Variants in RBAK observed in about 807,000 individuals in gnomAD.
RBAK encodes the protein RB associated KRAB zinc finger.
In RBAK, 39 loss-of-function variants were observed where a neutral mutation model predicts 65.8. That is an observed-to-expected ratio of 0.59 (90% confidence interval 0.46 to 0.77). RBAK has a LOEUF of 0.77. RBAK is among the 30% of genes least tolerant of loss of function. The pLI is 0.00. For synonymous variants in RBAK, 343 were observed against 289.7 expected, an observed-to-expected ratio of 1.18 and a Z score of -1.87; for missense variants, 884 against 855.1, an observed-to-expected ratio of 1.03 and a Z score of -0.42.
At chr7:5,047,125 G>T (rs1228811285) in intron 1 of RBAK, among the ~76,000 whole-genome samples, 3 of 152,184 alleles carry the variant, frequency 2.0e-5, no homozygotes, top group Non-Finnish European at 4.4e-5. Context: ...CGGGCCGGAT[G>T]CAGTGGCTCA....
intron 2 of RBAK, among the ~76,000 whole-genome samples, chr7:5,052,088 C>G (rs750085625): frequency 3.3e-5 from 5 of 152,206 alleles, no homozygotes; most frequent in Non-Finnish European, 5.9e-5. Flanking sequence ...TTATTACATC[C>G]TGTTGATTAA....
chr7:5,059,328 C>T (rs1311341628), intron 4 of RBAK, among the ~76,000 whole-genome samples: 1 of 151,730 alleles, frequency 6.6e-6, no homozygotes, highest in Non-Finnish European at 1.5e-5. Flanking sequence ...TCATTCCTTC[C>T]TTCCATTTTG....
intron 2 of RBAK, among the ~76,000 whole-genome samples, chr7:5,053,116 G>C (rs1443394720): frequency 6.6e-6 from 1 of 152,112 alleles, no homozygotes; most frequent in Non-Finnish European, 1.5e-5. Context: ...TACCATTTCT[G>C]GTACTCTTCA....
At chr7:5,060,565 G>A (rs1779045776) in intron 4 of RBAK, among the ~76,000 whole-genome samples, 1 of 152,230 alleles carries the variant, frequency 6.6e-6, no homozygotes, top group South Asian at 2.1e-4. Context: ...ACTGGGAAGA[G>A]ATTTGATAAA....
chr7:5,048,185 T>C lies in RBAK; in HGVS notation c.15+94T>C. ...GATTCTTACCTTTTTTTTTTTCTTT[T>C]TTTTTGAGATGGAGTCTTGCTCTGT... On this transcript the variant is annotated intron_variant, in intron 2 of 4. Transcript: ENST00000396912. This position sits in a 1 kb window ranked among gnomAD's most constrained non-coding sequence, Gnocchi z 4.4. 1 of 1,560,020 alleles carries C rather than the reference T, an allele frequency of 6.4e-7. No homozygotes were observed. Among genetic ancestry groups the C allele is most frequent in the East Asian group, 2.3e-5 (1 of 43,448 alleles).
At chr7:5,050,463 T>G (rs1214290242) in intron 2 of RBAK, among the ~76,000 whole-genome samples, 2 of 152,246 alleles carry the variant, frequency 1.3e-5, no homozygotes, top group Non-Finnish European at 2.9e-5. Context: ...TCTTTGTTTT[T>G]GTGAACTTAA....
At chr7:5,049,359 A>G (rs61516427) in intron 2 of RBAK, among the ~76,000 whole-genome samples, 6,855 of 152,278 alleles carry the variant, frequency 0.045, 542 homozygotes, top group African/African-American at 0.16. Flanking sequence ...AATGAATGAC[A>G]TGATCATCCT....
In RBAK at chr7:5,065,284, C is replaced by T. The variant is rs1165249110; in HGVS notation, c.1828C>T (p.Leu610Phe). The T allele has an allele frequency of 8.7e-6, 14 of 1,614,014 alleles. No homozygotes were observed. The highest frequency in any genetic ancestry group is 1.2e-5 in the Non-Finnish European group (14 of 1,179,934). Residue 610 changes from leucine (L) to phenylalanine (F), a missense_variant, in exon 5 of 5, where the codon CTC becomes TTC. Leu to Phe is a conservative substitution (Grantham distance 22). Transcript: ENST00000396912. The surrounding 1 kb of genome is among the most constrained non-coding windows in gnomAD (Gnocchi z 5.3). The stretch of plus-strand genomic sequence containing the variant: ...AAAATTCTTCTCTCAGAAATCATAT[C>T]TCACTATACATCATCGAATTCATTC... ...CGKFFSQKSY[L>F]TIHHRIHSGE...
rs2115049460 is a variant in RBAK at position 5,066,519 on chromosome 7, AC to A, written c.*921del. 1 of 152,238 alleles carries A rather than the reference AC, an allele frequency of 6.6e-6. No homozygotes were observed. Among genetic ancestry groups the A allele is most frequent in the South Asian group, 2.1e-4 (1 of 4,828 alleles). The allele number at this position is 152,238 out of a possible 1,614,324, so 9.4% of individuals were successfully genotyped here. On this transcript the variant is annotated 3_prime_UTR_variant, in exon 5 of 5. Transcript: ENST00000396912. ...GCTCTCACACCACCCTTGTTTTTTA[AC>A]CCATAGGTTTGAGTGTGCCTAGTGC...
At chr7:5,056,189 C>G (rs1788228182) in intron 2 of RBAK, among the ~76,000 whole-genome samples, 1 of 150,170 alleles carries the variant, frequency 6.7e-6, no homozygotes, top group South Asian at 2.1e-4. Flanking sequence ...CTCACTGCAG[C>G]CTTGACCTCC....
intron 4 of RBAK, among the ~76,000 whole-genome samples, chr7:5,059,781 C>G (rs1779024181): frequency 6.6e-6 from 1 of 152,124 alleles, no homozygotes; most frequent in Non-Finnish European, 1.5e-5. Context: ...ATCATATTCT[C>G]TGATAGGAGT....
chr7:5,059,536 C>T (rs983019883), intron 4 of RBAK, among the ~76,000 whole-genome samples: 2 of 151,998 alleles, frequency 1.3e-5, no homozygotes, highest in African/African-American at 2.4e-5. Context: ...ATACAATTTA[C>T]CATCATAACC....
chr7:5,051,077 T>G (rs1205731335), intron 2 of RBAK, among the ~76,000 whole-genome samples: 1 of 152,200 alleles, frequency 6.6e-6, no homozygotes, highest in Admixed American at 6.5e-5. Flanking sequence ...TGGCTCCATC[T>G]TTGGCCAGAC....
chr7:5,052,918 C>A (rs987273208), intron 2 of RBAK, among the ~76,000 whole-genome samples: 1 of 152,210 alleles, frequency 6.6e-6, no homozygotes, highest in East Asian at 1.9e-4. Flanking sequence ...CACCACCACA[C>A]CCGGCTAATT....
At chr7:5,047,442 ATTT>A (rs992620412) in intron 1 of RBAK, among the ~76,000 whole-genome samples, 1 of 149,660 alleles carries the variant, frequency 6.7e-6, no homozygotes, top group Non-Finnish European at 1.5e-5. Context: ...TATAATGGGA[ATTT>A]TTTTTTTCTT....
chr7:5,050,781 C>G (rs1313636084), intron 2 of RBAK, among the ~76,000 whole-genome samples: 1 of 152,092 alleles, frequency 6.6e-6, no homozygotes, highest in African/African-American at 2.4e-5. Context: ...GCTATGTTGC[C>G]CAGGCTGGTC....
rs1779175887 is a variant in RBAK at position 5,064,811 on chromosome 7, T to A, written c.1355T>A (p.Leu452Ter). Reference protein sequence around the residue: ...SYLTIHYRSHLEEKPYECNEC... With the variant: ...SYLTIHYRSH The stretch of plus-strand genomic sequence containing the variant: ...CTCACTATACATTATAGAAGTCATT[T>A]AGAAGAGAAACCCTATGAATGTAAT... The change falls in exon 5 of 5, where the codon TTA becomes TAA. Residue 452 changes from leucine (L) to a stop codon, truncating the protein, a stop_gained. Transcript: ENST00000396912. LOFTEE classifies it high-confidence loss of function. The surrounding 1 kb of genome is among the most constrained non-coding windows in gnomAD (Gnocchi z 6.3). The A allele has an allele frequency of 6.2e-7, 1 of 1,614,136 alleles. No individual in the cohort carries two copies. Among genetic ancestry groups the A allele is most frequent in the Non-Finnish European group, 8.5e-7 (1 of 1,179,972 alleles).
chr7:5,064,100 A>C lies in RBAK; in HGVS notation c.644A>C (p.Asp215Ala). The C allele has an allele frequency of 6.2e-7, 1 of 1,613,964 alleles. No individual in the cohort carries two copies. The highest frequency in any genetic ancestry group is 8.5e-7 in the Non-Finnish European group (1 of 1,180,014). The change falls in exon 5 of 5, where the codon GAC becomes GCC. Residue 215 changes from aspartate to alanine, a missense_variant. Transcript: ENST00000396912. The surrounding 1 kb of genome is among the most constrained non-coding windows in gnomAD (Gnocchi z 6.3). The stretch of plus-strand genomic sequence containing the variant: ...TATAATGAATGCATGGAAGCCTTAG[A>C]CAATGAGGCTGTTTTTATTGCTCAT... ...FEYNECMEAL[D>A]NEAVFIAHKR...
In RBAK at chr7:5,067,080, C is replaced by T. The variant is rs1223241848; in HGVS notation, c.*1479C>T. 1 of 152,072 alleles carries T rather than the reference C, an allele frequency of 6.6e-6. No homozygotes were observed. The highest frequency in any genetic ancestry group is 2.4e-5 in the African/African-American group (1 of 41,404). The allele number at this position is 152,072 out of a possible 1,614,324, so 9.4% of individuals were successfully genotyped here. ...CTGCATAAAGAGACTTAAACTACAA[C>T]AAACAATATGCTTAATGATGAAATA... is the stretch of plus-strand genomic sequence containing the variant. On this transcript the variant is annotated 3_prime_UTR_variant, in exon 5 of 5. Coordinates refer to ENST00000396912, the MANE Select transcript of RBAK (RefSeq NM_021163.4).
Sources: allele counts gnomAD v4.1 joint callset (sites outside exome capture counted in the v4.1 genomes callset), GRCh38; gene constraint gnomAD v4.1.1; non-coding constraint Gnocchi (gnomAD v3.1); transcripts MANE v1.5; gene names NCBI Gene and HGNC (gene_info 2026-07-23, HGNC 2026-07-21).